Variants in NRDC observed in about 807,000 individuals in gnomAD.
NRDC encodes the protein nardilysin.
A neutral mutation model predicts 147.1 loss-of-function variants in NRDC; 54 were observed. The observed-to-expected ratio is 0.37, with a 90% CI of 0.29 to 0.46. The LOEUF is 0.46. NRDC is among the 20% of genes least tolerant of loss of function. The probability of loss-of-function intolerance (pLI) is 1.00; values close to 1 mark genes in which losing one functional copy is unlikely to be tolerated. For synonymous variants in NRDC, 440 were observed against 482.1 expected (o/e 0.91, Z 1.14); for missense variants, 1,082 against 1,370.6 (o/e 0.79, Z 3.33).
intron 1 of NRDC, among the ~76,000 whole-genome samples, chr1:51,848,720 A>G (rs1681783068): frequency 6.6e-6 from 1 of 152,202 alleles, no homozygotes; most frequent in Non-Finnish European, 1.5e-5. Flanking sequence ...ATAAACTATA[A>G]AATGCATAAA....
intron 1 of NRDC, among the ~76,000 whole-genome samples, chr1:51,859,155 A>G (rs1315963394): frequency 6.6e-6 from 1 of 152,254 alleles, no homozygotes; most frequent in East Asian, 1.9e-4. Context: ...TGAAACAGGT[A>G]ATGGAAGAAT....
chr1:51,815,827 G>C (rs1679945206), intron 11 of NRDC: 1 of 152,128 alleles, frequency 6.6e-6, no homozygotes, highest in African/African-American at 2.4e-5. Context: ...GACTTAAACA[G>C]GTGCTTTAAT....
intron 2 of NRDC, among the ~76,000 whole-genome samples, chr1:51,839,636 T>C (rs1227920995): frequency 6.6e-6 from 1 of 152,198 alleles, no homozygotes; most frequent in Non-Finnish European, 1.5e-5. Context: ...ACATATTAAA[T>C]AAGCTTAACT....
intron 1 of NRDC, among the ~76,000 whole-genome samples, chr1:51,861,645 C>A (rs767780199): frequency 2.6e-5 from 4 of 152,010 alleles, no homozygotes; most frequent in Non-Finnish European, 5.9e-5. Context: ...CTGTGCCTGG[C>A]TACATGAGAA....
Position 51,814,661 on chromosome 1 carries a change from A to G in NRDC, c.1560+32T>C, listed in dbSNP as rs753772062. On this transcript the variant is annotated intron_variant, in intron 12 of 30. Transcript: ENST00000352171. ...TTTGCATAAAGTGATATCTACGTAAAAGGAAAAAACAACTGAATTTGAATT... is the reference window on the plus strand; with the variant it reads ...TTTGCATAAAGTGATATCTACGTAAGAGGAAAAAACAACTGAATTTGAATT... 4.4e-6 allele frequency: 7 copies of G among 1,606,142 alleles called. No individual in the cohort carries two copies. The South Asian group carries it at 7.7e-5, about 18-fold the overall frequency.
At chr1:51,824,425 T>A (rs1485622663) in intron 6 of NRDC, among the ~76,000 whole-genome samples, 2 of 152,030 alleles carry the variant, frequency 1.3e-5, no homozygotes, top group African/African-American at 4.8e-5. Context: ...CGCCCGGCTA[T>A]CTAATTCTTA....
intron 1 of NRDC, among the ~76,000 whole-genome samples, chr1:51,866,976 T>C (rs922481984): frequency 7.2e-5 from 11 of 152,130 alleles, no homozygotes; most frequent in Non-Finnish European, 1.6e-4. Context: ...TATATACATA[T>C]ATGCCATATA....
chr1:51,817,982 AC>A, intron 10 of NRDC, 83 bp downstream of exon 10: 1 of 967,900 alleles, frequency 1.0e-6, no homozygotes, highest in South Asian at 1.5e-5. Flanking sequence ...TAAATTCAGA[AC>A]CCCCAAACTT....
At chr1:51,877,079 T>C (rs1683366209) in intron 1 of NRDC, among the ~76,000 whole-genome samples, 1 of 151,770 alleles carries the variant, frequency 6.6e-6, no homozygotes, top group South Asian at 2.1e-4. Context: ...TCCCAGCTAC[T>C]GGGGAGGCTG....
intron 2 of NRDC, chr1:51,836,529 T>A: frequency 8.7e-7 from 1 of 1,149,294 alleles, no homozygotes; most frequent in Admixed American, 2.3e-5. Flanking sequence ...ATTTCATAAT[T>A]CTGAACCAAG....
chr1:51,836,369 C>T, intron 2 of NRDC, 157 bp from the exon 3 acceptor site: 4 of 1,613,294 alleles, frequency 2.5e-6, no homozygotes, highest in Non-Finnish European at 3.4e-6. Flanking sequence ...TGAAACTCAC[C>T]AGAACTGTGT....
At chr1:51,841,938 T>C (rs1166854969) in intron 1 of NRDC, among the ~76,000 whole-genome samples, 1 of 152,114 alleles carries the variant, frequency 6.6e-6, no homozygotes, top group Admixed American at 6.6e-5. Context: ...CTACTTTCCA[T>C]ATAAAATAAT....
chr1:51,804,420 C>G (rs1180610917), intron 19 of NRDC, among the ~76,000 whole-genome samples: 1 of 152,236 alleles, frequency 6.6e-6, no homozygotes, highest in Non-Finnish European at 1.5e-5. Flanking sequence ...CAACATTTCC[C>G]AAGTATCTCC....
At chr1:51,863,022 A>G (rs2124087698) in intron 1 of NRDC, among the ~76,000 whole-genome samples, 1 of 149,328 alleles carries the variant, frequency 6.7e-6, no homozygotes, top group Middle Eastern at 3.4e-3. Context: ...GGAAAAAAAA[A>G]AAAAAAAAAA....
At chr1:51,834,853 A>C (rs1680875463) in intron 3 of NRDC, among the ~76,000 whole-genome samples, 1 of 152,186 alleles carries the variant, frequency 6.6e-6, no homozygotes, top group Non-Finnish European at 1.5e-5. Flanking sequence ...TGCTGTTACA[A>C]CTTAATCTCT....
intron 1 of NRDC, among the ~76,000 whole-genome samples, chr1:51,851,084 A>G (rs968654921): frequency 1.3e-5 from 2 of 152,180 alleles, no homozygotes; most frequent in Non-Finnish European, 2.9e-5. Context: ...TATTTTATTC[A>G]GGGACAGATC....
In NRDC at chr1:51,821,549, A is replaced by G; in HGVS notation, c.1166T>C (p.Leu389Pro). The change falls in exon 8 of 31, where the codon CTG becomes CCG. Residue 389 changes from leucine (L) to proline (P), a missense_variant. Leu to Pro is a moderately conservative substitution (Grantham distance 98). Coordinates refer to ENST00000352171, the MANE Select transcript of NRDC (RefSeq NM_001101662.2). ...AGTCACCCACTTTTCCAAAGTATCC[A>G]GTGTTTCTTGAGAGGGGAGGGCAGG... ...MTLVVQSKET[L>P]DTLEKWVTEI... 1 of 1,607,236 alleles carries G rather than the reference A, an allele frequency of 6.2e-7. No individual in the cohort carries two copies. Among genetic ancestry groups the G allele is most frequent in the South Asian group, 1.1e-5 (1 of 90,904 alleles).
intron 1 of NRDC, among the ~76,000 whole-genome samples, chr1:51,858,096 T>C (rs753644161): frequency 1.3e-5 from 2 of 152,072 alleles, no homozygotes; most frequent in Non-Finnish European, 2.9e-5. Context: ...AAATGAGGGG[T>C]CCTGAATTAG....
chr1:51,827,622 A>C (rs1001226760), intron 5 of NRDC, among the ~76,000 whole-genome samples, 174 bp downstream of exon 5: 1 of 151,220 alleles, frequency 6.6e-6, no homozygotes, highest in Admixed American at 6.6e-5. Context: ...ATTTACTTCA[A>C]ATCTACACTG....
Sources: gnomAD v4.1 joint callset for allele counts (sites outside exome capture counted in the v4.1 genomes callset) on GRCh38, gnomAD v4.1.1 for gene constraint, MANE v1.5 for transcripts, NCBI Gene and HGNC (gene_info 2026-07-23, HGNC 2026-07-21) for gene names.